The following FBXL17 variants were observed in gnomAD, a reference collection of about 807,000 sequenced individuals.
FBXL17 encodes the protein F-box and leucine rich repeat protein 17, also known as F-box/LRR-repeat protein 17.
In FBXL17, 22 loss-of-function variants were observed where a neutral mutation model predicts 66.2. The observed-to-expected ratio is 0.33, with a 90% CI of 0.24 to 0.47. The LOEUF is 0.47. Ranked by LOEUF, FBXL17 falls within the 20% of genes least tolerant of loss-of-function variation. The pLI, the probability that FBXL17 is intolerant of heterozygous loss-of-function variation, is 1.00. For missense variants in FBXL17, 878 were observed against 948.2 expected (o/e 0.93, Z 0.97); for synonymous variants, 474 against 400.5 (o/e 1.18, Z -2.19).
chr5:108,322,834 C>T (rs560552225), intron 4 of FBXL17, among the ~76,000 whole-genome samples: 1 of 151,928 alleles, frequency 6.6e-6, no homozygotes, highest in South Asian at 2.1e-4. Context: ...TATTTGAGAA[C>T]TTACTGTATG....
At chr5:107,903,390 C>T (rs1749639976) in intron 7 of FBXL17, among the ~76,000 whole-genome samples, 1 of 152,112 alleles carries the variant, frequency 6.6e-6, no homozygotes, top group Admixed American at 6.6e-5. Flanking sequence ...GTATCTCATC[C>T]TCACTATAAC....
intron 5 of FBXL17, among the ~76,000 whole-genome samples, chr5:108,189,411 G>T (rs1217623384): frequency 6.6e-6 from 1 of 151,880 alleles, no homozygotes; most frequent in Non-Finnish European, 1.5e-5. Context: ...GTGTTTTTTT[G>T]TTGTTATTTT....
chr5:108,296,112 T>C (rs1038029530), intron 4 of FBXL17, among the ~76,000 whole-genome samples: 2 of 151,682 alleles, frequency 1.3e-5, no homozygotes, highest in Admixed American at 6.6e-5. Flanking sequence ...AAGAGAGTTG[T>C]GAGGAGAAAA....
chr5:108,018,615 A>G (rs1244412469), intron 7 of FBXL17, among the ~76,000 whole-genome samples: 1 of 152,134 alleles, frequency 6.6e-6, no homozygotes, highest in Non-Finnish European at 1.5e-5. Context: ...ACAGATGCAA[A>G]AACTTTCACC....
At chr5:107,937,669 T>A (rs188319995) in intron 7 of FBXL17, among the ~76,000 whole-genome samples, 1 of 152,304 alleles carries the variant, frequency 6.6e-6, no homozygotes, top group East Asian at 1.9e-4. Context: ...ATTTCTCTCT[T>A]GTGGCATCTT....
rs184163510 is a variant in FBXL17, at chr5:108,046,850, T to C, written c.1746-25849A>G. 3.0e-3 allele frequency among the ~76,000 whole-genome samples: 462 copies of C among 152,352 alleles called. 3 individuals carry two copies. Among genetic ancestry groups the C allele is most frequent in the African/African-American group, 0.011 (437 of 41,596 alleles). On this transcript the variant is annotated intron_variant, in intron 6 of 8. Transcript: ENST00000542267. ...AACTCAAGAGGAAAATAAAATACTATTGTATTTACCCACATGTTTGCTTAC... is the reference window on the plus strand; with the variant it reads ...AACTCAAGAGGAAAATAAAATACTACTGTATTTACCCACATGTTTGCTTAC...
intron 4 of FBXL17, among the ~76,000 whole-genome samples, chr5:108,272,808 C>T (rs79584481): frequency 0.025 from 3,748 of 152,204 alleles, 149 homozygotes; most frequent in African/African-American, 0.085. Context: ...AATACAGCTA[C>T]AGCAAAATGA....
intron 7 of FBXL17, among the ~76,000 whole-genome samples, chr5:107,988,508 A>G (rs1192146599): frequency 6.6e-6 from 1 of 152,032 alleles, no homozygotes; most frequent in Non-Finnish European, 1.5e-5. Flanking sequence ...GTTTAGTTTT[A>G]GGAGTAGTAT....
chr5:108,050,875 A>T (rs905440002), intron 6 of FBXL17, among the ~76,000 whole-genome samples: 1 of 152,178 alleles, frequency 6.6e-6, no homozygotes, highest in Non-Finnish European at 1.5e-5. Context: ...TATTTGATGA[A>T]ATCAAATAGA....
chr5:107,979,630 G>A (rs1175089300), intron 7 of FBXL17, among the ~76,000 whole-genome samples: 2 of 152,176 alleles, frequency 1.3e-5, no homozygotes, highest in Non-Finnish European at 2.9e-5. Flanking sequence ...CTCTGGAAAT[G>A]AGGCAGCAAA....
intron 4 of FBXL17, among the ~76,000 whole-genome samples, chr5:108,259,163 A>G (rs1055076102): frequency 1.3e-5 from 2 of 152,334 alleles, no homozygotes; most frequent in Admixed American, 6.5e-5. Flanking sequence ...TTTTCAAGCT[A>G]TGAGAATCAG....
chr5:108,016,334 G>A (rs1381301827), intron 7 of FBXL17, among the ~76,000 whole-genome samples: 4 of 152,172 alleles, frequency 2.6e-5, no homozygotes, highest in African/African-American at 9.7e-5. Context: ...GTGGTACTGA[G>A]TGAGCCTGTG....
chr5:108,289,301 T>C (rs1258795999), intron 4 of FBXL17, among the ~76,000 whole-genome samples: 1 of 152,180 alleles, frequency 6.6e-6, no homozygotes, highest in South Asian at 2.1e-4. Context: ...AATTCAAAAA[T>C]GTTTTTCTAA....
chr5:108,078,773 T>C (rs1187584542), intron 6 of FBXL17, among the ~76,000 whole-genome samples: 3 of 152,224 alleles, frequency 2.0e-5, no homozygotes, highest in Non-Finnish European at 2.9e-5. Flanking sequence ...GGCTATGCTC[T>C]GAGCCTCCAT....
chr5:108,276,637 C>T (rs1200135066), intron 4 of FBXL17, among the ~76,000 whole-genome samples: 1 of 152,066 alleles, frequency 6.6e-6, no homozygotes, highest in Admixed American at 6.5e-5. Context: ...GTCTAACAAA[C>T]AAGTCAAATA....
chr5:108,091,613 T>C lies in FBXL17; in HGVS notation c.1746-70612A>G, dbSNP rs181893617. The stretch of plus-strand genomic sequence containing the variant: ...GAACCTTGCTTTTTCTCTAAGTAGG[T>C]TGTTACATATGTTTCTTGAGAATGG... On this transcript the variant is annotated intron_variant, in intron 6 of 8. Coordinates refer to ENST00000542267, the MANE Select transcript of FBXL17 (RefSeq NM_001163315.3). Among the ~76,000 whole-genome samples the C allele has an allele frequency of 2.8e-3, 430 of 152,318 alleles. 2 individuals are homozygous for C. The highest frequency in any genetic ancestry group is 0.024 in the Middle Eastern group (7 of 294).
At chr5:108,007,769 A>C (rs1753995895) in intron 7 of FBXL17, among the ~76,000 whole-genome samples, 1 of 152,190 alleles carries the variant, frequency 6.6e-6, no homozygotes, top group Non-Finnish European at 1.5e-5. Context: ...AAGATGAAGC[A>C]TGAACTTCAT....
intron 4 of FBXL17, among the ~76,000 whole-genome samples, chr5:108,248,029 C>T (rs74422075): frequency 8.5e-5 from 13 of 152,110 alleles, no homozygotes; most frequent in Non-Finnish European, 1.2e-4. Flanking sequence ...TAATGTAGCA[C>T]CTAGTCTGCA....
intron 4 of FBXL17, among the ~76,000 whole-genome samples, chr5:108,284,877 T>C (rs969039840): frequency 6.6e-6 from 1 of 151,850 alleles, no homozygotes. Flanking sequence ...CAGTGTTTGA[T>C]GTATCAATGA....
Sources: allele counts gnomAD v4.1 joint callset (sites outside exome capture counted in the v4.1 genomes callset), GRCh38; gene constraint gnomAD v4.1.1; transcripts MANE v1.5; gene names NCBI Gene and HGNC (gene_info 2026-07-23, HGNC 2026-07-21).